PCDHA5: variants seen among roughly 807,000 people sequenced by gnomAD.
PCDHA5 encodes protocadherin alpha-5.
A neutral mutation model predicts 61.6 loss-of-function variants in PCDHA5; 43 were observed. The observed-to-expected ratio is 0.70, with a 90% CI of 0.55 to 0.90. PCDHA5 has a LOEUF of 0.90. Ranked by LOEUF, PCDHA5 falls within the 40% of genes least tolerant of loss-of-function variation. The probability of loss-of-function intolerance (pLI) is 0.00; values close to 1 mark genes in which losing one functional copy is unlikely to be tolerated. For synonymous variants in PCDHA5, 627 were observed against 543.9 expected (o/e 1.15, Z -2.13); for missense variants, 1,298 against 1,222.7 (o/e 1.06, Z -0.92).
chr5:140,984,492 T>C (rs2097106044), intron 3 of PCDHA5, among the ~76,000 whole-genome samples: 1 of 152,224 alleles, frequency 6.6e-6, no homozygotes, highest in Non-Finnish European at 1.5e-5. Context: ...TATCCAGAAC[T>C]GTGCCTGGCT....
In PCDHA5 at chr5:141,009,886, C is replaced by T. The variant is rs377373799; in HGVS notation, c.2760C>T (p.Thr920=). Residue 920 remains threonine (T), a synonymous_variant, in exon 4 of 4, where the codon ACC becomes ACT. Transcript: ENST00000529859. ...AGAAAAAGAAGAAGGGTAACAAGAC[C>T]CAGGAGAAAAAAGAGAAAGGGAACA... ...KKKKKKKGNK[T]QEKKEKGNST... is the part of the protein sequence containing the mutation. The T allele has an allele frequency of 9.0e-4, 1,444 of 1,612,840 alleles. 15 individuals are homozygous for T. The South Asian group carries it at 0.015, about 17-fold the overall frequency.
intron 1 of PCDHA5, among the ~76,000 whole-genome samples, chr5:140,960,521 A>C (rs950989969): frequency 9.9e-5 from 15 of 152,162 alleles, no homozygotes; most frequent in Non-Finnish European, 1.5e-5. Context: ...CATAATGGGT[A>C]TAGGAAAGAG....
In PCDHA5 at chr5:140,967,246, G is replaced by T. The variant is rs569213693; in HGVS notation, c.2353-11703G>T. On this transcript the variant is annotated intron_variant, in intron 1 of 3. Coordinates refer to ENST00000529859, the MANE Select transcript of PCDHA5 (RefSeq NM_018908.3). ...ACTACCAGCTTCAGGTAAGCGAATCGGTGGCGCCTGGAGCGCGCTTTCACA... is the reference window on the plus strand; with the variant it reads ...ACTACCAGCTTCAGGTAAGCGAATCTGTGGCGCCTGGAGCGCGCTTTCACA... The T allele has an allele frequency of 9.6e-5, 155 of 1,613,594 alleles. 2 individuals carry two copies. In the South Asian group the frequency reaches 1.4e-3, roughly 15 times the overall value.
chr5:140,834,339 C>T, intron 1 of PCDHA5: 1 of 1,501,080 alleles, frequency 6.7e-7, no homozygotes, highest in Non-Finnish European at 9.0e-7. Context: ...CCTATAAATT[C>T]GAAGGCAAGT....
intron 1 of PCDHA5, among the ~76,000 whole-genome samples, chr5:140,833,344 C>A (rs1772415330): frequency 6.6e-6 from 1 of 152,078 alleles, no homozygotes; most frequent in Admixed American, 6.6e-5. Flanking sequence ...GTGAAACATT[C>A]CAGAAAACGA....
At chr5:140,985,151 A>G (rs1335001570) in intron 3 of PCDHA5, among the ~76,000 whole-genome samples, 3 of 152,092 alleles carry the variant, frequency 2.0e-5, no homozygotes, top group Admixed American at 2.0e-4. Flanking sequence ...GTTAGCCAGG[A>G]TTGTCTCAAT....
chr5:140,839,976 A>G (rs1776500319), intron 1 of PCDHA5, among the ~76,000 whole-genome samples: 1 of 152,102 alleles, frequency 6.6e-6, no homozygotes, highest in African/African-American at 2.4e-5. Flanking sequence ...TATGACTCCT[A>G]TTGGAAAGTG....
At chr5:140,839,159 T>C (rs781039323) in intron 1 of PCDHA5, among the ~76,000 whole-genome samples, 1 of 96,652 alleles carries the variant, frequency 1.0e-5, no homozygotes, top group Admixed American at 9.7e-5. Flanking sequence ...GCTGCTCTTG[T>C]TGAAAGATAT....
At chr5:140,946,611 A>ATATATATATATATATATATATATAT (rs2093972523) in intron 1 of PCDHA5, among the ~76,000 whole-genome samples, 1 of 86,812 alleles carries the variant, frequency 1.2e-5, no homozygotes, top group African/African-American at 6.4e-5. Context: ...GAAAATGTGA[A>ATATATATATATATATATATATATAT]ATATATATAT....
At chr5:140,916,628 C>T (rs1311862991) in intron 1 of PCDHA5, among the ~76,000 whole-genome samples, 1 of 152,188 alleles carries the variant, frequency 6.6e-6, no homozygotes, top group Non-Finnish European at 1.5e-5. Context: ...ACTCAATGCC[C>T]TATCCTACTG....
intron 1 of PCDHA5, chr5:140,969,611 A>G: frequency 1.4e-6 from 1 of 723,476 alleles, no homozygotes; most frequent in Non-Finnish European, 2.2e-6. Flanking sequence ...TAAAACACAG[A>G]TTTGTAGAGA....
rs1372096351 is a variant in PCDHA5, at chr5:140,851,273, G to A, written c.2352+27146G>A. 3 of 1,057,916 alleles carry A rather than the reference G, an allele frequency of 2.8e-6. No homozygotes were observed. In the African/African-American group the frequency reaches 5.0e-5, roughly 18 times the overall value. The allele number at this position is 1,057,916 out of a possible 1,614,324, so 65.5% of individuals were successfully genotyped here. On this transcript the variant is annotated intron_variant, in intron 1 of 3. Coordinates refer to ENST00000529859, the MANE Select transcript of PCDHA5 (RefSeq NM_018908.3). ...CATAGTATTTTAGTCTACTTGTATT[G>A]TTTATAAGAAACCCAAGCAAAAATA...
At chr5:140,967,524 A>G in intron 1 of PCDHA5, 1 of 1,612,564 alleles carries the variant, frequency 6.2e-7, no homozygotes, top group Non-Finnish European at 8.5e-7. Context: ...ACTAACGACA[A>G]CTCTCCTGCC....
chr5:140,996,803 G>A (rs2097746425), intron 3 of PCDHA5, among the ~76,000 whole-genome samples: 1 of 152,224 alleles, frequency 6.6e-6, no homozygotes, highest in African/African-American at 2.4e-5. Flanking sequence ...ATCCAATCAT[G>A]CTTTCCAAAA....
intron 1 of PCDHA5, chr5:140,868,465 T>A (rs1460620913): frequency 6.6e-6 from 1 of 152,416 alleles, no homozygotes; most frequent in Non-Finnish European, 1.5e-5. Context: ...AGAGCTGCTT[T>A]TATAAAACTT....
chr5:140,899,675 C>T lies in PCDHA5; in HGVS notation c.2352+75548C>T, dbSNP rs569711192. On this transcript the variant is annotated intron_variant, in intron 1 of 3. Coordinates refer to ENST00000529859, the MANE Select transcript of PCDHA5 (RefSeq NM_018908.3). The stretch of plus-strand genomic sequence containing the variant: ...TTGTGTCTCTGCCCGGCTTTGGTAT[C>T]AGGATGATGCTGGCCTCATAAAATG... Among the ~76,000 whole-genome samples the T allele has an allele frequency of 4.6e-3, 702 of 152,296 alleles. 3 individuals are homozygous for T. The highest frequency in any genetic ancestry group is 0.016 in the African/African-American group (679 of 41,556).
intron 3 of PCDHA5, among the ~76,000 whole-genome samples, chr5:141,006,182 T>G (rs1388785445): frequency 1.3e-5 from 2 of 151,170 alleles, no homozygotes; most frequent in Non-Finnish European, 2.9e-5. Flanking sequence ...TTTAAAAGAG[T>G]TTGCTATATG....
rs1166477260 is a variant in PCDHA5, at chr5:140,843,587, C to T, written c.2352+19460C>T. 5 of 1,596,096 alleles carry T rather than the reference C, an allele frequency of 3.1e-6. 1 individual carries two copies. In the East Asian group the frequency reaches 6.7e-5, roughly 21 times the overall value. The stretch of plus-strand genomic sequence containing the variant: ...CTGGTCATACTCGCAACAACAGCCG[C>T]AGAGGGTGTGCTCTGGTGAGGGGCC... On this transcript the variant is annotated intron_variant, in intron 1 of 3. Coordinates refer to ENST00000529859, the MANE Select transcript of PCDHA5 (RefSeq NM_018908.3).
intron 1 of PCDHA5, chr5:140,870,456 G>T (rs782212198): frequency 6.2e-7 from 1 of 1,614,230 alleles, no homozygotes. Context: ...ACGACAATGC[G>T]CCTGCGTTCG....
Sources: gnomAD v4.1 joint callset for allele counts (sites outside exome capture counted in the v4.1 genomes callset) on GRCh38, gnomAD v4.1.1 for gene constraint, MANE v1.5 for transcripts, NCBI Gene and HGNC (gene_info 2026-07-23, HGNC 2026-07-21) for gene names.